TRPC6: variants seen among roughly 807,000 people sequenced by gnomAD.
The protein encoded by TRPC6 is short transient receptor potential channel 6.
Under a neutral mutation model 90.7 loss-of-function variants are expected in TRPC6, and 55 were observed. The ratio of observed to expected loss-of-function variants is 0.61; its 90% CI spans 0.49 to 0.76. The LOEUF (loss-of-function observed/expected upper bound fraction) is 0.76. Among genes scored for constraint, TRPC6 ranks in the 30% least tolerant of loss-of-function variants. TRPC6 has a pLI of 0.00. For missense variants in TRPC6, 989 were observed against 1,122.7 expected (o/e 0.88, Z 1.70); for synonymous variants, 393 against 393.0 (o/e 1.00, Z 0.00).
intron 1 of TRPC6, among the ~76,000 whole-genome samples, chr11:101,551,905 C>G (rs538879502): frequency 2.0e-5 from 3 of 152,068 alleles, no homozygotes; most frequent in Non-Finnish European, 4.4e-5. Context: ...ACACAACTCA[C>G]TGTTAGTGCA....
intron 1 of TRPC6, among the ~76,000 whole-genome samples, chr11:101,553,873 A>G (rs941489361): frequency 6.6e-6 from 1 of 152,094 alleles, no homozygotes; most frequent in Admixed American, 6.6e-5. Flanking sequence ...GGGTATATGT[A>G]AAGGAAAATG....
chr11:101,476,577 G>T, intron 5 of TRPC6, 43 bp from the exon 6 acceptor site: 1 of 1,527,310 alleles, frequency 6.5e-7, no homozygotes, highest in Non-Finnish European at 9.1e-7. Flanking sequence ...ATCGCATTCA[G>T]CCTTAGCTGT....
intron 1 of TRPC6, among the ~76,000 whole-genome samples, chr11:101,533,544 G>C (rs944060691): frequency 6.6e-6 from 1 of 152,066 alleles, no homozygotes; most frequent in East Asian, 1.9e-4. Context: ...CACGAGCTTT[G>C]GGCAGGGACA....
At chr11:101,468,283 C>T (rs761234974) in intron 10 of TRPC6, among the ~76,000 whole-genome samples, 1 of 152,182 alleles carries the variant, frequency 6.6e-6, no homozygotes, top group Non-Finnish European at 1.5e-5. Flanking sequence ...TTAGGGTTCC[C>T]CTTACCTAAA....
At chr11:101,516,327 AC>A (rs1860521835) in intron 1 of TRPC6, among the ~76,000 whole-genome samples, 1 of 152,132 alleles carries the variant, frequency 6.6e-6, no homozygotes, top group South Asian at 2.1e-4. Context: ...TGTGACGCAC[AC>A]ATGCTGAAAA....
At chr11:101,542,082 A>ATT (rs34000632) in intron 1 of TRPC6, among the ~76,000 whole-genome samples, 1 of 152,002 alleles carries the variant, frequency 6.6e-6, no homozygotes, top group Admixed American at 6.6e-5. Flanking sequence ...TCCTAGATAA[A>ATT]TTTTTTTAAT....
intron 1 of TRPC6, among the ~76,000 whole-genome samples, chr11:101,565,567 G>A (rs11606855): frequency 6.6e-6 from 1 of 151,716 alleles, no homozygotes; most frequent in African/African-American, 2.4e-5. Flanking sequence ...AACTGGAAGG[G>A]GAATTTTTTT....
At chr11:101,534,408 T>A (rs1860986409) in intron 1 of TRPC6, among the ~76,000 whole-genome samples, 1 of 152,154 alleles carries the variant, frequency 6.6e-6, no homozygotes, top group African/African-American at 2.4e-5. Context: ...TGTGCTGGGA[T>A]TACAGGCATT....
Position 101,529,187 on chromosome 11 carries a change from A to G in TRPC6, c.171-24389T>C, listed in dbSNP as rs1248661024. On this transcript the variant is annotated intron_variant, in intron 1 of 12. Coordinates refer to ENST00000344327, the MANE Select transcript of TRPC6 (RefSeq NM_004621.6). ...AAGCTTCAAACTTCACTAAAAGCCT[A>G]GAAAGATCAGAAAGGATGAAGGGAG... Among the ~76,000 whole-genome samples, 7 of 152,206 alleles carry G rather than the reference A, an allele frequency of 4.6e-5. No homozygotes were observed. The South Asian group carries it at 6.2e-4, about 13-fold the overall frequency.
intron 1 of TRPC6, among the ~76,000 whole-genome samples, chr11:101,515,259 T>C (rs1860490929): frequency 6.6e-6 from 1 of 152,252 alleles, no homozygotes; most frequent in African/African-American, 2.4e-5. Context: ...ATCTGCACCA[T>C]GTGTCCAAAG....
chr11:101,516,331 G>A (rs1860521977), intron 1 of TRPC6, among the ~76,000 whole-genome samples: 1 of 152,014 alleles, frequency 6.6e-6, no homozygotes, highest in South Asian at 2.1e-4. Context: ...ACGCACACAT[G>A]CTGAAAAGAA....
At chr11:101,464,581 T>C (rs1284798999) in intron 10 of TRPC6, among the ~76,000 whole-genome samples, 1 of 152,214 alleles carries the variant, frequency 6.6e-6, no homozygotes, top group African/African-American at 2.4e-5. Flanking sequence ...TGGTTTAAAG[T>C]CTGCTTTATC....
In TRPC6 at chr11:101,566,256, C is replaced by T. The variant is rs960881575; in HGVS notation, c.170+17078G>A. 2.6e-5 allele frequency among the ~76,000 whole-genome samples: 4 copies of T among 152,282 alleles called. No individual in the cohort carries two copies. In the East Asian group the frequency reaches 7.7e-4, roughly 29 times the overall value. On this transcript the variant is annotated intron_variant, in intron 1 of 12. Transcript: ENST00000344327. ...AATAATGTGTAACTTTTAGACCATT[C>T]TTTACTTACCCATTCTTTTCTAACT...
chr11:101,515,692 G>A (rs1406304507), intron 1 of TRPC6, among the ~76,000 whole-genome samples: 1 of 152,056 alleles, frequency 6.6e-6, no homozygotes, highest in Admixed American at 6.5e-5. Context: ...ATTTTTACTT[G>A]TCATAAAGTG....
intron 2 of TRPC6, among the ~76,000 whole-genome samples, chr11:101,498,735 T>A (rs767773143): frequency 3.1e-4 from 47 of 152,290 alleles, no homozygotes; most frequent in Non-Finnish European, 3.8e-4. Flanking sequence ...ACTTTCCAAG[T>A]GGCTGTAGAA....
chr11:101,455,253 A>AAGAC, intron 10 of TRPC6, 152 bp from the exon 11 acceptor site: 1 of 643,930 alleles, frequency 1.6e-6, no homozygotes, highest in Non-Finnish European at 2.7e-6. Context: ...TCTGTCTTCC[A>AAGAC]AGACAAATCA....
intron 1 of TRPC6, among the ~76,000 whole-genome samples, chr11:101,544,553 A>C (rs1375542829): frequency 6.6e-6 from 1 of 152,324 alleles, no homozygotes; most frequent in Non-Finnish European, 1.5e-5. Context: ...TGCAGCCATA[A>C]AAAAGGATGA....
chr11:101,561,531 C>T (rs1861713204), intron 1 of TRPC6, among the ~76,000 whole-genome samples: 1 of 152,034 alleles, frequency 6.6e-6, no homozygotes, highest in Admixed American at 6.6e-5. Flanking sequence ...TCCTTTATAT[C>T]CTTCTACTCT....
intron 1 of TRPC6, among the ~76,000 whole-genome samples, chr11:101,540,673 T>C (rs569214461): frequency 6.6e-6 from 1 of 152,218 alleles, no homozygotes; most frequent in Non-Finnish European, 1.5e-5. Flanking sequence ...ATAATTTTCA[T>C]GTAAGGAGTC....
Sources: allele counts gnomAD v4.1 joint callset (sites outside exome capture counted in the v4.1 genomes callset), GRCh38; gene constraint gnomAD v4.1.1; transcripts MANE v1.5; gene names NCBI Gene and HGNC (gene_info 2026-07-23, HGNC 2026-07-21).